The following GAB2 variants were observed in gnomAD, a reference collection of about 807,000 sequenced individuals.
GAB2 encodes the protein GRB2 associated binding protein 2.
In GAB2, 26 loss-of-function variants were observed where a neutral mutation model predicts 65.5. The ratio of observed to expected loss-of-function variants is 0.40; its 90% confidence interval spans 0.29 to 0.55. The LOEUF (loss-of-function observed/expected upper bound fraction) is 0.55. GAB2 is among the 20% of genes least tolerant of loss of function. GAB2 has a pLI of 0.53. For synonymous variants in GAB2, 321 were observed against 329.6 expected (o/e 0.97, Z 0.28); for missense variants, 884 against 875.8 (o/e 1.01, Z -0.12).
intron 1 of GAB2, among the ~76,000 whole-genome samples, chr11:78,289,622 A>AT (rs896187157): frequency 1.3e-5 from 2 of 152,062 alleles, no homozygotes; most frequent in Non-Finnish European, 2.9e-5. Context: ...AAACTAGAAG[A>AT]TTTTTTTGTA....
chr11:78,300,698 T>TTTG (rs1554985605), intron 1 of GAB2, among the ~76,000 whole-genome samples: 1,688 of 141,380 alleles, frequency 0.012, 48 homozygotes, highest in African/African-American at 0.044. Context: ...TTTTTTTGTT[T>TTTG]TTTTTTTTTT....
chr11:78,398,157 G>C (rs1222009742), intron 1 of GAB2, among the ~76,000 whole-genome samples: 2 of 152,166 alleles, frequency 1.3e-5, no homozygotes, highest in Admixed American at 6.5e-5. Context: ...CCCTGCTCTT[G>C]CAAGTCAGCA....
intron 2 of GAB2, among the ~76,000 whole-genome samples, chr11:78,278,804 T>C (rs1283629322): frequency 2.0e-5 from 3 of 152,118 alleles, no homozygotes; most frequent in Non-Finnish European, 2.9e-5. Context: ...CACTGCAACC[T>C]TGAATTCCTG....
intron 1 of GAB2, among the ~76,000 whole-genome samples, chr11:78,326,499 A>T (rs1251551803): frequency 6.6e-6 from 1 of 152,208 alleles, no homozygotes; most frequent in Non-Finnish European, 1.5e-5. Context: ...CTAAATGAAG[A>T]GTAAATAACT....
chr11:78,314,232 T>C (rs754457676), intron 1 of GAB2, among the ~76,000 whole-genome samples: 11 of 152,220 alleles, frequency 7.2e-5, no homozygotes, highest in Middle Eastern at 3.2e-3. Flanking sequence ...TGATGGTACT[T>C]GCAAGCCTCT....
intron 3 of GAB2, among the ~76,000 whole-genome samples, chr11:78,243,731 C>T (rs1198296934): frequency 1.3e-5 from 2 of 151,866 alleles, no homozygotes; most frequent in African/African-American, 4.8e-5. Flanking sequence ...GTAGTCCCAG[C>T]TACTTGGGAG....
intron 1 of GAB2, among the ~76,000 whole-genome samples, chr11:78,403,427 G>C (rs1457363866): frequency 1.3e-5 from 2 of 152,150 alleles, no homozygotes; most frequent in Non-Finnish European, 2.9e-5. Context: ...AAATTATCTA[G>C]CTATGCTAAA....
chr11:78,276,162 C>T (rs1212877968), intron 2 of GAB2, among the ~76,000 whole-genome samples: 1 of 151,264 alleles, frequency 6.6e-6, no homozygotes, highest in African/African-American at 2.4e-5. Context: ...TAGCCAGGAG[C>T]CGTGGTGCAT....
chr11:78,319,791 C>T (rs1855686299), intron 1 of GAB2, among the ~76,000 whole-genome samples: 1 of 152,098 alleles, frequency 6.6e-6, no homozygotes, highest in Admixed American at 6.6e-5. Flanking sequence ...GTGCCACGGG[C>T]TGAGGATACA....
chr11:78,269,407 GCTCT>G (rs1419723747), intron 2 of GAB2, among the ~76,000 whole-genome samples: 2 of 152,300 alleles, frequency 1.3e-5, no homozygotes, highest in Admixed American at 1.3e-4. Flanking sequence ...CTTCTCCCTG[GCTCT>G]CTGTCTCTCT....
At position 78,219,044 on chromosome 11, in the gene GAB2, T is replaced by TA. The variant is rs1159074464; in HGVS notation, c.*227dup. The TA allele has an allele frequency of 1.9e-6, 1 of 536,404 alleles. No homozygotes were observed. Among genetic ancestry groups the TA allele is most frequent in the African/African-American group, 1.9e-5 (1 of 52,690 alleles). 33.2% of individuals were successfully genotyped at this position (536,404 alleles called of 1,614,324 possible). A position where few individuals can be genotyped will look rare whatever the true frequency, so the allele number is the denominator to read the frequency against. On this transcript the variant is annotated 3_prime_UTR_variant, in exon 10 of 10. Transcript: ENST00000361507. ...CTAAGGTGGGTGGAGGCATGGCCAT[T>TA]ACTGATAAAAATCACAGCTGGGCCC... is the stretch of plus-strand genomic sequence containing the variant.
intron 1 of GAB2, among the ~76,000 whole-genome samples, chr11:78,302,546 C>T (rs1320913891): frequency 1.3e-5 from 2 of 151,838 alleles, no homozygotes; most frequent in Non-Finnish European, 2.9e-5. Context: ...GGCATCGATG[C>T]AGTGAAAAGG....
At chr11:78,284,771 G>A (rs180773699) in intron 1 of GAB2, among the ~76,000 whole-genome samples, 8 of 150,824 alleles carry the variant, frequency 5.3e-5, no homozygotes, top group Non-Finnish European at 8.8e-5. Context: ...TGACTTTTCC[G>A]CACCCACCTC....
intron 6 of GAB2, among the ~76,000 whole-genome samples, chr11:78,223,132 A>G (rs1462622871): frequency 6.6e-6 from 1 of 152,208 alleles, no homozygotes; most frequent in East Asian, 1.9e-4. Context: ...AGATTGTAGC[A>G]GACGAGGACC....
chr11:78,318,201 T>A (rs1855650219), intron 1 of GAB2: 1 of 150,302 alleles, frequency 6.7e-6, no homozygotes, highest in African/African-American at 2.5e-5. Context: ...AGGAGGGAGA[T>A]GAGGGATCAG....
intron 2 of GAB2, among the ~76,000 whole-genome samples, chr11:78,263,216 TG>T (rs1865780923): frequency 1.3e-5 from 2 of 152,122 alleles, no homozygotes; most frequent in African/African-American, 4.8e-5. Flanking sequence ...AGAGAAGAAA[TG>T]ACAAGATAAG....
intron 1 of GAB2, among the ~76,000 whole-genome samples, chr11:78,347,692 T>C (rs370160141): frequency 3.3e-5 from 5 of 152,176 alleles, no homozygotes; most frequent in African/African-American, 7.2e-5. Flanking sequence ...CAAGAAAACA[T>C]AGGAGAAAAA....
At chr11:78,368,098 G>A (rs1048103561) in intron 1 of GAB2, among the ~76,000 whole-genome samples, 2 of 151,878 alleles carry the variant, frequency 1.3e-5, no homozygotes, top group African/African-American at 4.8e-5. Flanking sequence ...TTACAGGCGT[G>A]AGCCACTGCG....
intron 1 of GAB2, among the ~76,000 whole-genome samples, chr11:78,413,637 A>G (rs1032846429): frequency 2.0e-5 from 3 of 152,208 alleles, no homozygotes; most frequent in Admixed American, 1.3e-4. Flanking sequence ...CCCTGAAAAA[A>G]AGTAGGTAGT....
Sources: gnomAD v4.1 joint callset for allele counts (sites outside exome capture counted in the v4.1 genomes callset) on GRCh38, gnomAD v4.1.1 for gene constraint, MANE v1.5 for transcripts, NCBI Gene and HGNC (gene_info 2026-07-23, HGNC 2026-07-21) for gene names.